Variants in COL11A1 observed in about 807,000 individuals in gnomAD.
The protein encoded by COL11A1 is collagen alpha-1(XI) chain.
In COL11A1, 74 loss-of-function variants were observed where a neutral mutation model predicts 265.2. The ratio of observed to expected loss-of-function variants is 0.28; its 90% CI spans 0.23 to 0.34. The LOEUF (loss-of-function observed/expected upper bound fraction) is 0.34. Among genes scored for constraint, COL11A1 ranks in the 10% least tolerant of loss-of-function variants. The pLI is 1.00. For synonymous variants in COL11A1, 816 were observed against 727.6 expected, an observed-to-expected ratio of 1.12 and a Z score of -1.96; for missense variants, 2,165 against 2,263.6, an observed-to-expected ratio of 0.96 and a Z score of 0.88.
chr1:102,934,627 G>T (rs1376492997), intron 45 of COL11A1, 71 bp from the exon 46 acceptor site: 7 of 1,233,874 alleles, frequency 5.7e-6, no homozygotes, highest in Non-Finnish European at 8.4e-6. Flanking sequence ...AAAAAATGTG[G>T]CCATTTCTAA....
chr1:103,044,241 G>T (rs561400657), intron 4 of COL11A1, among the ~76,000 whole-genome samples: 15 of 149,804 alleles, frequency 1.0e-4, no homozygotes, highest in African/African-American at 3.7e-4. Flanking sequence ...AAGGAAAGTT[G>T]CCAAAATGCT....
intron 41 of COL11A1, 151 bp downstream of exon 41, chr1:102,961,715 T>C: frequency 2.9e-6 from 2 of 692,906 alleles, no homozygotes; most frequent in South Asian, 1.6e-5. Flanking sequence ...CATTAGTGCA[T>C]GCAATTAGTG....
At chr1:103,095,803 C>A (rs1296518958) in intron 1 of COL11A1, among the ~76,000 whole-genome samples, 1 of 151,790 alleles carries the variant, frequency 6.6e-6, no homozygotes, top group African/African-American at 2.4e-5. Context: ...AGCTGAACTT[C>A]AGATTGAAGA....
At chr1:103,097,169 A>T (rs2102399308) in intron 1 of COL11A1, among the ~76,000 whole-genome samples, 1 of 152,068 alleles carries the variant, frequency 6.6e-6, no homozygotes, top group African/African-American at 2.4e-5. Flanking sequence ...GTATGCACTG[A>T]CCCTGCTAAC....
chr1:103,090,950 C>A (rs978948688), intron 1 of COL11A1, among the ~76,000 whole-genome samples: 2 of 152,072 alleles, frequency 1.3e-5, no homozygotes, highest in African/African-American at 2.4e-5. Flanking sequence ...TCAGCATGTT[C>A]ATATTGTATT....
At chr1:102,898,437 GGTT>G (rs1652724027) in intron 56 of COL11A1, among the ~76,000 whole-genome samples, 1 of 151,354 alleles carries the variant, frequency 6.6e-6, no homozygotes, top group South Asian at 2.1e-4. Flanking sequence ...TTTAAAATTT[GGTT>G]TTCTATTTTC....
Position 103,019,510 on chromosome 1 carries a change from CT to C in COL11A1, c.1309-652del, listed in dbSNP as rs762206024. Among the ~76,000 whole-genome samples the C allele has an allele frequency of 9.9e-5, 15 of 152,160 alleles. No individual in the cohort carries two copies. The South Asian group carries it at 1.2e-3, about 13-fold the overall frequency. On this transcript the variant is annotated intron_variant, in intron 9 of 66. Coordinates refer to ENST00000370096, the MANE Select transcript of COL11A1 (RefSeq NM_001854.4). ...CATTCTGAAAAAAATATTTTCAACA[CT>C]TTTTGTGAGCATGTTGCATGATTTT...
chr1:103,018,597 G>A (rs1391153312), intron 10 of COL11A1, among the ~76,000 whole-genome samples: 1 of 152,126 alleles, frequency 6.6e-6, no homozygotes, highest in Admixed American at 6.6e-5. Context: ...AGAAGATGCA[G>A]AGGTATCTAA....
intron 46 of COL11A1, among the ~76,000 whole-genome samples, chr1:102,930,842 T>A (rs1405325448): frequency 6.6e-6 from 1 of 151,722 alleles, no homozygotes; most frequent in Non-Finnish European, 1.5e-5. Flanking sequence ...TGTCAAGGAA[T>A]TTATCCATTT....
chr1:103,019,154 A>G (rs555862940), intron 9 of COL11A1, among the ~76,000 whole-genome samples: 1 of 152,132 alleles, frequency 6.6e-6, no homozygotes, highest in Non-Finnish European at 1.5e-5. Context: ...TACAGACAAA[A>G]CAATCTACCA....
intron 46 of COL11A1, among the ~76,000 whole-genome samples, chr1:102,924,577 CT>C (rs1656371677): frequency 6.6e-6 from 1 of 152,158 alleles, no homozygotes; most frequent in Non-Finnish European, 1.5e-5. Flanking sequence ...TGTTTAGGAA[CT>C]AGCAGAGGAG....
intron 42 of COL11A1, 129 bp downstream of exon 42, chr1:102,946,720 G>A (rs978769680): frequency 4.6e-5 from 35 of 753,644 alleles, no homozygotes; most frequent in Non-Finnish European, 7.9e-5. Context: ...ATACGAGCCA[G>A]GGTATTTACA....
At chr1:103,065,138 G>A (rs751670605) in intron 4 of COL11A1, among the ~76,000 whole-genome samples, 3 of 151,908 alleles carry the variant, frequency 2.0e-5, no homozygotes, top group African/African-American at 7.3e-5. Context: ...ATATGTTGGG[G>A]TGGGGCAAAT....
Position 102,880,061 on chromosome 1 carries a change from G to A in COL11A1, c.5041-145C>T, listed in dbSNP as rs1650035249. On this transcript the variant is annotated intron_variant, in intron 65 of 66. Coordinates refer to ENST00000370096, the MANE Select transcript of COL11A1 (RefSeq NM_001854.4). Reference sequence around the variant, plus strand: ...CCACCTTAACCTAATGAAAAAAAGTGTACATTGAGGGTCAGAAGACCCAGA... The same window carrying A: ...CCACCTTAACCTAATGAAAAAAAGTATACATTGAGGGTCAGAAGACCCAGA... The A allele has an allele frequency of 9.5e-6, 6 of 634,364 alleles. No individual in the cohort carries two copies. The East Asian group carries it at 1.1e-4, about 12-fold the overall frequency. The allele number at this position is 634,364 out of a possible 1,614,324, so 39.3% of individuals were successfully genotyped here. A position where few individuals can be genotyped will look rare whatever the true frequency, so the allele number is the denominator to read the frequency against.
At chr1:102,937,234 G>T (rs1258454701) in intron 44 of COL11A1, among the ~76,000 whole-genome samples, 5 of 152,136 alleles carry the variant, frequency 3.3e-5, no homozygotes, top group African/African-American at 9.7e-5. Context: ...GAGTATGCAA[G>T]GGTCCTAAGG....
rs2102454438 is a variant in COL11A1 at position 103,108,350 on chromosome 1, G to C, written c.-172C>G. 4 of 672,234 alleles carry C rather than the reference G, an allele frequency of 6.0e-6. No individual in the cohort carries two copies. The highest frequency in any genetic ancestry group is 1.1e-5 in the Non-Finnish European group (4 of 371,824). The allele number at this position is 672,234 out of a possible 1,614,324, so 41.6% of individuals were successfully genotyped here. A position where few individuals can be genotyped will look rare whatever the true frequency, so the allele number is the denominator to read the frequency against. On this transcript the variant is annotated 5_prime_UTR_variant, in exon 1 of 67. Coordinates refer to ENST00000370096, the MANE Select transcript of COL11A1 (RefSeq NM_001854.4). ...CTAAATTTGATGGTTTGCGTTCTTCGTGTCTCTAGCCCTTTCCTCTCCCTC... is the reference window on the plus strand; with the variant it reads ...CTAAATTTGATGGTTTGCGTTCTTCCTGTCTCTAGCCCTTTCCTCTCCCTC...
At chr1:102,962,328 A>C in intron 39 of COL11A1, 63 bp from the exon 40 acceptor site, 5 of 1,235,932 alleles carry the variant, frequency 4.0e-6, no homozygotes, top group Non-Finnish European at 3.6e-6. Flanking sequence ...TACAAACAAA[A>C]TTGTGATTAC....
chr1:102,900,564 T>C (rs1037491582), intron 54 of COL11A1, among the ~76,000 whole-genome samples: 3 of 152,114 alleles, frequency 2.0e-5, no homozygotes, highest in African/African-American at 7.2e-5. Context: ...CCTGAAAAGA[T>C]TGCATTTACA....
At chr1:103,098,171 T>C (rs1673941510) in intron 1 of COL11A1, among the ~76,000 whole-genome samples, 2 of 151,980 alleles carry the variant, frequency 1.3e-5, no homozygotes, top group Non-Finnish European at 2.9e-5. Context: ...GTTTATTACA[T>C]GCTCTGGAGA....
Sources: gnomAD v4.1 joint callset for allele counts (sites outside exome capture counted in the v4.1 genomes callset) on GRCh38, gnomAD v4.1.1 for gene constraint, MANE v1.5 for transcripts, NCBI Gene and HGNC (gene_info 2026-07-23, HGNC 2026-07-21) for gene names.